GPM6A: variants seen among roughly 807,000 people sequenced by gnomAD.
The protein encoded by GPM6A is glycoprotein M6A, also known as neuronal membrane glycoprotein M6-a.
A neutral mutation model predicts 32.1 loss-of-function variants in GPM6A; 7 were observed. That is an observed-to-expected ratio of 0.22 (90% CI 0.12 to 0.41). GPM6A has a LOEUF of 0.41. Ranked by LOEUF, GPM6A falls within the 10% of genes least tolerant of loss-of-function variation. The probability of loss-of-function intolerance (pLI) is 1.00; values close to 1 mark genes in which losing one functional copy is unlikely to be tolerated. For missense variants in GPM6A, 235 were observed against 347.2 expected (o/e 0.68, Z 2.57); for synonymous variants, 130 against 123.4 (o/e 1.05, Z -0.35).
At chr4:175,678,805 G>A (rs1177204584) in intron 2 of GPM6A, among the ~76,000 whole-genome samples, 1 of 152,094 alleles carries the variant, frequency 6.6e-6, no homozygotes, top group Non-Finnish European at 1.5e-5. Context: ...GGTGAAAATG[G>A]CATGTTTTCT....
At chr4:175,733,753 C>T (rs1289243703) in intron 1 of GPM6A, among the ~76,000 whole-genome samples, 1 of 152,054 alleles carries the variant, frequency 6.6e-6, no homozygotes, top group Non-Finnish European at 1.5e-5. Context: ...TAGAGGAAAA[C>T]AATCCTGTTT....
chr4:175,851,696 C>T (rs1560964930), intron 1 of GPM6A, among the ~76,000 whole-genome samples: 1 of 152,134 alleles, frequency 6.6e-6, no homozygotes. Context: ...TTTGCTGCAC[C>T]AACAGGTGGC....
At chr4:175,906,223 T>A (rs1738127310) in intron 1 of GPM6A, among the ~76,000 whole-genome samples, 1 of 152,100 alleles carries the variant, frequency 6.6e-6, no homozygotes, top group Admixed American at 6.6e-5. Flanking sequence ...TAGAAAGTCA[T>A]CACTGAATTT....
At chr4:175,663,762 C>T (rs1742572098) in intron 3 of GPM6A, among the ~76,000 whole-genome samples, 1 of 148,900 alleles carries the variant, frequency 6.7e-6, no homozygotes, top group African/African-American at 2.5e-5. Context: ...GGCGCAGTCT[C>T]GGCTCACTGC....
chr4:175,779,305 C>T (rs1256855769), intron 1 of GPM6A, among the ~76,000 whole-genome samples: 1 of 152,160 alleles, frequency 6.6e-6, no homozygotes, highest in African/African-American at 2.4e-5. Context: ...AACTCTCATG[C>T]ACGCCTAGAG....
At chr4:175,667,835 T>C (rs552120341) in intron 3 of GPM6A, among the ~76,000 whole-genome samples, 18 of 152,040 alleles carry the variant, frequency 1.2e-4, no homozygotes, top group Non-Finnish European at 1.8e-4. Flanking sequence ...GGCCAAAGAG[T>C]ATATATCATG....
chr4:175,902,784 C>A (rs1324838721), intron 1 of GPM6A, among the ~76,000 whole-genome samples: 1 of 151,978 alleles, frequency 6.6e-6, no homozygotes, highest in East Asian at 1.9e-4. Flanking sequence ...CTTTCTTTCA[C>A]CTATTAAACT....
At chr4:175,681,084 C>A (rs1272080606) in intron 2 of GPM6A, among the ~76,000 whole-genome samples, 1 of 152,078 alleles carries the variant, frequency 6.6e-6, no homozygotes, top group African/African-American at 2.4e-5. Context: ...TATGTATTTT[C>A]AAATAATTGA....
rs370813625 is a variant in GPM6A, at chr4:175,701,594, T to C, written c.211A>G (p.Thr71Ala). ...YFEMARTAGD[T>A]LDVFTMIDIF... ...ACTTACATGGTAAAAACATCCAGTG[T>C]GTCTCCAGCAGTTCTTGCCATCTCA... Residue 71 changes from threonine (T) to alanine (A), a missense_variant, in exon 2 of 7, where the codon ACA (threonine) becomes GCA (alanine). By Grantham distance (58) the Thr-to-Ala change is moderately conservative (BLOSUM62 0). Around this residue, in one of 3 missense-constraint regions of GPM6A, gnomAD observed 101 missense variants for 171.2 expected, o/e 0.59. Transcript: ENST00000393658. 2.5e-6 allele frequency: 4 copies of C among 1,613,410 alleles called. No individual in the cohort carries two copies. Among genetic ancestry groups the C allele is most frequent in the Non-Finnish European group, 3.4e-6 (4 of 1,179,394 alleles).
intron 1 of GPM6A, among the ~76,000 whole-genome samples, chr4:175,735,643 T>C (rs1275108036): frequency 2.0e-5 from 3 of 151,806 alleles, no homozygotes; most frequent in Admixed American, 1.3e-4. Flanking sequence ...CATTGCAACC[T>C]CCGACTCCAG....
At chr4:175,706,672 T>A (rs1579407688) in intron 1 of GPM6A, among the ~76,000 whole-genome samples, 1 of 152,184 alleles carries the variant, frequency 6.6e-6, no homozygotes, top group East Asian at 1.9e-4. Flanking sequence ...TATCACTGTG[T>A]CAGAGGTGTT....
intron 1 of GPM6A, among the ~76,000 whole-genome samples, chr4:175,926,474 T>G (rs1036947387): frequency 3.3e-5 from 5 of 152,170 alleles, no homozygotes; most frequent in Non-Finnish European, 7.3e-5. Context: ...AATTTTATAC[T>G]CTGTATAAGA....
At chr4:175,991,194 T>C (rs971569354) in intron 1 of GPM6A, among the ~76,000 whole-genome samples, 3 of 151,240 alleles carry the variant, frequency 2.0e-5, no homozygotes, top group Non-Finnish European at 4.4e-5. Flanking sequence ...GCCTCCCAAG[T>C]AGCTGGGATT....
intron 1 of GPM6A, among the ~76,000 whole-genome samples, chr4:175,933,505 G>A (rs1739119828): frequency 6.6e-6 from 1 of 152,148 alleles, no homozygotes; most frequent in Non-Finnish European, 1.5e-5. Context: ...TGTCGATAGT[G>A]AATAAAAATG....
intron 1 of GPM6A, chr4:175,798,773 A>G (rs1387131802): frequency 6.6e-6 from 1 of 152,142 alleles, no homozygotes; most frequent in Non-Finnish European, 1.5e-5. Context: ...AACAAATGTA[A>G]CCCACAATTG....
chr4:175,697,909 G>A (rs1351164283), intron 2 of GPM6A, among the ~76,000 whole-genome samples: 1 of 152,094 alleles, frequency 6.6e-6, no homozygotes, highest in African/African-American at 2.4e-5. Context: ...TAAGAATGAG[G>A]ATTATTTGCA....
intron 1 of GPM6A, among the ~76,000 whole-genome samples, chr4:175,842,647 T>TGA: frequency 6.6e-6 from 1 of 152,130 alleles, no homozygotes; most frequent in African/African-American, 2.4e-5. Flanking sequence ...CAGTGAGCCT[T>TGA]GACCTTCATG....
chr4:175,637,644 T>G (rs1307802156), intron 6 of GPM6A, among the ~76,000 whole-genome samples: 1 of 25,596 alleles, frequency 3.9e-5, no homozygotes, highest in East Asian at 6.5e-3. Flanking sequence ...TATTATATAT[T>G]ATATAAAATA....
chr4:175,668,542 T>TGTGTGTGTGTGTGTGTGTG (rs1560863089), intron 3 of GPM6A, among the ~76,000 whole-genome samples: 7 of 151,636 alleles, frequency 4.6e-5, no homozygotes, highest in Middle Eastern at 3.4e-3. Flanking sequence ...TGTGTGTGTG[T>TGTGTGTGTGTGTGTGTGTG]TTATTTTAAA....
Sources: allele counts gnomAD v4.1 joint callset (sites outside exome capture counted in the v4.1 genomes callset), GRCh38; gene constraint gnomAD v4.1.1; regional missense constraint gnomAD v4.1.1; transcripts MANE v1.5; gene names NCBI Gene and HGNC (gene_info 2026-07-23, HGNC 2026-07-21).